The following DTWD2 variants were observed in gnomAD, a reference collection of about 807,000 sequenced individuals.
DTWD2 encodes tRNA-uridine aminocarboxypropyltransferase 2.
DTWD2 carries 39 observed loss-of-function variants against 31.8 expected under a neutral mutation model. The observed-to-expected ratio is 1.22, with a 90% CI of 0.95 to 1.60. The LOEUF is 1.60. DTWD2 is among the 40% of genes most tolerant of loss of function. DTWD2 has a pLI of 0.00. For missense variants in DTWD2, 515 were observed against 381.5 expected, an observed-to-expected ratio of 1.35 and a Z score of -2.92; for synonymous variants, 180 against 142.8, an observed-to-expected ratio of 1.26 and a Z score of -1.86.
intron 1 of DTWD2, among the ~76,000 whole-genome samples, chr5:118,964,520 T>G (rs567451479): frequency 1.4e-4 from 22 of 152,304 alleles, no homozygotes; most frequent in African/African-American, 4.3e-4. Context: ...CCGCCATCTC[T>G]GCTCACTGCA....
intron 1 of DTWD2, among the ~76,000 whole-genome samples, chr5:118,956,626 A>G (rs1441951470): frequency 1.3e-5 from 2 of 152,234 alleles, no homozygotes; most frequent in Middle Eastern, 3.2e-3. Flanking sequence ...CTTTTTTCTC[A>G]CAGTACTGAT....
intron 4 of DTWD2, among the ~76,000 whole-genome samples, chr5:118,922,220 G>T (rs1753719571): frequency 6.6e-6 from 1 of 152,162 alleles, no homozygotes; most frequent in African/African-American, 2.4e-5. Context: ...CAAGTTAATG[G>T]GTTTGCATTA....
chr5:118,938,203 C>T (rs918781633), intron 3 of DTWD2, among the ~76,000 whole-genome samples: 1 of 151,670 alleles, frequency 6.6e-6, no homozygotes, highest in Non-Finnish European at 1.5e-5. Flanking sequence ...TCAGTTATTG[C>T]AATGCGGCAA....
intron 1 of DTWD2, among the ~76,000 whole-genome samples, chr5:118,980,169 C>A (rs1053962007): frequency 6.6e-6 from 1 of 152,090 alleles, no homozygotes; most frequent in African/African-American, 2.4e-5. Context: ...GGTGAATAGC[C>A]CTGAAAGACA....
intron 4 of DTWD2, among the ~76,000 whole-genome samples, chr5:118,915,345 A>C (rs1206340465): frequency 6.6e-6 from 1 of 152,042 alleles, no homozygotes; most frequent in Non-Finnish European, 1.5e-5. Flanking sequence ...CAAGCCCCCA[A>C]AATAACCCAT....
At chr5:118,913,455 G>C (rs938436346) in intron 4 of DTWD2, among the ~76,000 whole-genome samples, 7 of 148,024 alleles carry the variant, frequency 4.7e-5, no homozygotes, top group African/African-American at 1.7e-4. Flanking sequence ...ACACACGTGT[G>C]TGTGTGTTTC....
chr5:118,979,663 T>C (rs1386337167), intron 1 of DTWD2, among the ~76,000 whole-genome samples: 1 of 152,230 alleles, frequency 6.6e-6, no homozygotes. Flanking sequence ...CATAGAATAC[T>C]ATGCAGCCAT....
At chr5:118,944,116 C>G (rs1002664639) in intron 2 of DTWD2, among the ~76,000 whole-genome samples, 3 of 152,114 alleles carry the variant, frequency 2.0e-5, no homozygotes, top group Non-Finnish European at 4.4e-5. Context: ...ATACATGTTT[C>G]TTCTATTCAT....
chr5:118,907,605 C>T (rs1001146617), intron 4 of DTWD2, among the ~76,000 whole-genome samples: 8 of 152,134 alleles, frequency 5.3e-5, no homozygotes, highest in Admixed American at 1.3e-4. Context: ...GTGGCACATG[C>T]CTGCAATCCC....
intron 2 of DTWD2, among the ~76,000 whole-genome samples, chr5:118,943,845 A>C (rs1217281072): frequency 1.3e-5 from 2 of 152,242 alleles, no homozygotes; most frequent in Non-Finnish European, 2.9e-5. Context: ...AATTTAAAAA[A>C]TAATTATTCC....
chr5:118,915,476 G>A (rs912452990), intron 4 of DTWD2, among the ~76,000 whole-genome samples: 11 of 150,466 alleles, frequency 7.3e-5, no homozygotes, highest in African/African-American at 2.7e-4. Context: ...CCAGGTTCAC[G>A]CCATTCTCCT....
intron 4 of DTWD2, among the ~76,000 whole-genome samples, chr5:118,900,873 C>T (rs933281440): frequency 2.0e-5 from 3 of 150,376 alleles, no homozygotes; most frequent in Non-Finnish European, 3.0e-5. Flanking sequence ...TGCAGTGACC[C>T]GAGATCACGC....
At position 118,980,908 on chromosome 5, in the gene DTWD2, T is replaced by C. The variant is rs141631328; in HGVS notation, c.218+7386A>G. Among the ~76,000 whole-genome samples, 320 of 152,334 alleles carry C rather than the reference T, an allele frequency of 2.1e-3. 4 individuals are homozygous for C. Among genetic ancestry groups the C allele is most frequent in the African/African-American group, 6.9e-3 (285 of 41,572 alleles). On this transcript the variant is annotated intron_variant, in intron 1 of 5. Coordinates refer to ENST00000510708, the MANE Select transcript of DTWD2 (RefSeq NM_173666.4). ...CAGATTATTTGTATACCAATGTTCA[T>C]TGCATCATTATTGACAATAGCCAAA...
At chr5:118,846,259 G>C (rs1295383888) in intron 5 of DTWD2, among the ~76,000 whole-genome samples, 2 of 151,958 alleles carry the variant, frequency 1.3e-5, no homozygotes, top group Non-Finnish European at 2.9e-5. Context: ...GGAGAGAAGG[G>C]AGCACCAGCA....
intron 4 of DTWD2, among the ~76,000 whole-genome samples, chr5:118,858,742 A>G (rs370454706): frequency 6.6e-6 from 1 of 152,154 alleles, no homozygotes. Flanking sequence ...ATTTAAAATC[A>G]TTACCACACT....
rs1755413457 is a variant in DTWD2, at chr5:118,985,761, AT to A, written c.218+2532del. Among the ~76,000 whole-genome samples the A allele has an allele frequency of 3.9e-5, 6 of 152,164 alleles. No individual in the cohort carries two copies. The South Asian group carries it at 1.2e-3, about 32-fold the overall frequency. ...AAATAAGAATGTTTAAATTAGCAAGATGATTTTAACTTGAACAAAGTTATTT... is the reference window on the plus strand; with the variant it reads ...AAATAAGAATGTTTAAATTAGCAAGAGATTTTAACTTGAACAAAGTTATTT... On this transcript the variant is annotated intron_variant, in intron 1 of 5. Transcript: ENST00000510708.
intron 1 of DTWD2, among the ~76,000 whole-genome samples, chr5:118,960,370 A>G (rs1268063023): frequency 6.6e-6 from 1 of 152,212 alleles, no homozygotes; most frequent in East Asian, 1.9e-4. Flanking sequence ...TCAAAATCAC[A>G]ATGACATACC....
chr5:118,974,036 G>C, intron 1 of DTWD2: 4 of 1,605,768 alleles, frequency 2.5e-6, no homozygotes, highest in Non-Finnish European at 3.4e-6. Context: ...AGATGAGGAA[G>C]CTGAGACAGC....
At position 118,944,559 on chromosome 5, in the gene DTWD2, C is replaced by T. The variant is rs148893773; in HGVS notation, c.309G>A (p.Glu103=). The change falls in exon 2 of 6, where the codon GAG becomes GAA. Residue 103 remains glutamate (E), a splice_region_variant and synonymous_variant. Coordinates refer to ENST00000510708, the MANE Select transcript of DTWD2 (RefSeq NM_173666.4). The part of the protein sequence containing the change: ...THLYIIQHPA[E]ENKVLRTVPL... ...AATCCTGTATTTTACAAAATCTTAC[C>T]TCTGCTGGATGCTGAATTATGTACA... The T allele has an allele frequency of 1.5e-5, 24 of 1,612,290 alleles. No homozygotes were observed. Among genetic ancestry groups the T allele is most frequent in the East Asian group, 2.2e-5 (1 of 44,718 alleles).
Sources: allele counts gnomAD v4.1 joint callset (sites outside exome capture counted in the v4.1 genomes callset), GRCh38; gene constraint gnomAD v4.1.1; transcripts MANE v1.5; gene names NCBI Gene and HGNC (gene_info 2026-07-23, HGNC 2026-07-21).